SLC44A5: variants seen among roughly 807,000 people sequenced by gnomAD.
SLC44A5 encodes choline transporter-like protein 5.
In SLC44A5, 57 loss-of-function variants were observed where a neutral mutation model predicts 101.8. The ratio of observed to expected loss-of-function variants is 0.56; its 90% CI spans 0.45 to 0.70. The LOEUF is 0.70. Among genes scored for constraint, SLC44A5 ranks in the 30% least tolerant of loss-of-function variants. The pLI, the probability that SLC44A5 is intolerant of heterozygous loss-of-function variation, is 0.00. For synonymous variants in SLC44A5, 281 were observed against 290.9 expected, an observed-to-expected ratio of 0.97 and a Z score of 0.35; for missense variants, 737 against 853.1, an observed-to-expected ratio of 0.86 and a Z score of 1.70.
intron 22 of SLC44A5, 133 bp downstream of exon 22, chr1:75,213,572 A>C (rs183408632): frequency 1.0e-5 from 7 of 670,182 alleles, no homozygotes; most frequent in Admixed American, 5.0e-5. Context: ...ACCAGAAATC[A>C]AGTTGGCTGA....
intron 4 of SLC44A5, among the ~76,000 whole-genome samples, chr1:75,305,061 A>G (rs1445054199): frequency 5.9e-5 from 9 of 152,188 alleles, no homozygotes. Context: ...CTATTTTCCA[A>G]ATTAAAAGAA....
chr1:75,608,328 G>GGT (rs1461716347), intron 1 of SLC44A5, among the ~76,000 whole-genome samples: 1 of 151,086 alleles, frequency 6.6e-6, no homozygotes, highest in African/African-American at 2.4e-5. Context: ...AAATGTGAGG[G>GGT]GTATGTGTGT....
chr1:75,311,429 T>C (rs1356850661), intron 4 of SLC44A5, among the ~76,000 whole-genome samples: 2 of 152,160 alleles, frequency 1.3e-5, no homozygotes, highest in Non-Finnish European at 2.9e-5. Flanking sequence ...CAAAATAGCA[T>C]CTTAATGTTG....
chr1:75,573,086 G>A (rs1468239918), intron 1 of SLC44A5, among the ~76,000 whole-genome samples: 7 of 127,626 alleles, frequency 5.5e-5, no homozygotes, highest in African/African-American at 1.3e-4. Flanking sequence ...TTGCACCACC[G>A]CGCTCCAGCC....
At chr1:75,560,403 A>G (rs769115517) in intron 1 of SLC44A5, among the ~76,000 whole-genome samples, 7 of 152,212 alleles carry the variant, frequency 4.6e-5, no homozygotes, top group Non-Finnish European at 8.8e-5. Context: ...CAGAAAGTAG[A>G]TAAGTGGTTG....
chr1:75,631,966 A>G, the SLC44A5 span, among the ~76,000 whole-genome samples: 1 of 152,148 alleles, frequency 6.6e-6, no homozygotes, highest in African/African-American at 2.4e-5. Context: ...CTGCCTGGAC[A>G]GTATCACTCA....
At chr1:75,433,907 A>T (rs1664748220) in intron 2 of SLC44A5, among the ~76,000 whole-genome samples, 1 of 152,106 alleles carries the variant, frequency 6.6e-6, no homozygotes, top group Non-Finnish European at 1.5e-5. Flanking sequence ...GCAAGACAGA[A>T]TGAGAACCAA....
chr1:75,647,488 C>A, the SLC44A5 span, among the ~76,000 whole-genome samples: 4 of 152,182 alleles, frequency 2.6e-5, no homozygotes, highest in Non-Finnish European at 5.9e-5. Context: ...GGCCACCACC[C>A]TCCAGACCCC....
chr1:75,359,098 T>C (rs1181370868), intron 3 of SLC44A5, among the ~76,000 whole-genome samples: 1 of 152,148 alleles, frequency 6.6e-6, no homozygotes, highest in Non-Finnish European at 1.5e-5. Flanking sequence ...TATTTGTCTT[T>C]TTGTGCCTAG....
At chr1:75,723,702 G>A in the SLC44A5 span, 1 of 152,132 alleles carries the variant, frequency 6.6e-6, no homozygotes, top group East Asian at 1.9e-4. Flanking sequence ...GCCTATACCA[G>A]GACAAACTCA....
At chr1:75,512,686 A>G (rs1316502831) in intron 2 of SLC44A5, among the ~76,000 whole-genome samples, 1 of 152,192 alleles carries the variant, frequency 6.6e-6, no homozygotes, top group African/African-American at 2.4e-5. Flanking sequence ...TCATAAGAGT[A>G]TATTGGAGGT....
At chr1:75,472,591 GTTATC>G (rs1667171457) in intron 2 of SLC44A5, among the ~76,000 whole-genome samples, 2 of 152,252 alleles carry the variant, frequency 1.3e-5, no homozygotes, top group Non-Finnish European at 2.9e-5. Context: ...AAGACCATGT[GTTATC>G]TTATGATAAC....
chr1:75,456,451 C>T (rs1344593961), intron 2 of SLC44A5, among the ~76,000 whole-genome samples: 1 of 152,182 alleles, frequency 6.6e-6, no homozygotes, highest in Non-Finnish European at 1.5e-5. Flanking sequence ...CTTAACATCA[C>T]ACAAAATACC....
At chr1:75,433,833 C>A (rs1343090548) in intron 2 of SLC44A5, among the ~76,000 whole-genome samples, 2 of 152,214 alleles carry the variant, frequency 1.3e-5, no homozygotes, top group East Asian at 3.9e-4. Context: ...ATTCACAGTT[C>A]CACATGGCTG....
chr1:75,595,456 A>AC (rs1674578798), intron 1 of SLC44A5, among the ~76,000 whole-genome samples: 1 of 151,986 alleles, frequency 6.6e-6, no homozygotes, highest in Non-Finnish European at 1.5e-5. Context: ...TACAATTAAA[A>AC]AAAAACTTTT....
At chr1:75,342,768 G>A (rs919058132) in intron 3 of SLC44A5, among the ~76,000 whole-genome samples, 2 of 152,172 alleles carry the variant, frequency 1.3e-5, no homozygotes, top group African/African-American at 2.4e-5. Flanking sequence ...GTGAGAAAGT[G>A]GATTGCAGTG....
At chr1:75,501,837 T>G (rs1274950998) in intron 2 of SLC44A5, among the ~76,000 whole-genome samples, 1 of 152,214 alleles carries the variant, frequency 6.6e-6, no homozygotes, top group African/African-American at 2.4e-5. Context: ...CAATGAATAA[T>G]GCCAAAGCCA....
At chr1:75,615,416 T>TACACACACACACAC (rs3031479), upstream of SLC44A5, among the ~76,000 whole-genome samples, 1 of 131,702 alleles carries the variant, frequency 7.6e-6, no homozygotes, top group Admixed American at 7.7e-5. Context: ...CTCTCTCTCT[T>TACACACACACACAC]ACACACACAC....
the SLC44A5 span, among the ~76,000 whole-genome samples, chr1:75,721,696 C>A: frequency 6.6e-6 from 1 of 152,116 alleles, no homozygotes. Context: ...TCTAGAGGTA[C>A]AAAATAAATA....
Sources: allele counts gnomAD v4.1 joint callset (sites outside exome capture counted in the v4.1 genomes callset), GRCh38; gene constraint gnomAD v4.1.1; transcripts MANE v1.5; gene names NCBI Gene and HGNC (gene_info 2026-07-23, HGNC 2026-07-21).